Variants in ICA1 observed in about 807,000 individuals in gnomAD.
The protein encoded by ICA1 is 69 kDa islet cell autoantigen.
A neutral mutation model predicts 71.0 loss-of-function variants in ICA1; 40 were observed. That is an observed-to-expected ratio of 0.56 (90% confidence interval 0.44 to 0.73). The LOEUF (loss-of-function observed/expected upper bound fraction) is 0.73, where lower values mean the gene tolerates loss of function less well. Ranked by LOEUF, ICA1 falls within the 30% of genes least tolerant of loss-of-function variation. The probability of loss-of-function intolerance (pLI) is 0.00; values close to 1 mark genes in which losing one functional copy is unlikely to be tolerated. For missense variants in ICA1, 578 were observed against 576.5 expected, an observed-to-expected ratio of 1.00 and a Z score of -0.03; for synonymous variants, 207 against 209.5, an observed-to-expected ratio of 0.99 and a Z score of 0.10.
intron 1 of ICA1, among the ~76,000 whole-genome samples, chr7:8,238,238 C>T (rs529869906): frequency 1.3e-5 from 2 of 152,274 alleles, no homozygotes; most frequent in South Asian, 4.1e-4. Flanking sequence ...TCCACAGCAG[C>T]TGCACCATTT....
intron 1 of ICA1, among the ~76,000 whole-genome samples, chr7:8,255,916 G>C (rs529124668): frequency 1.4e-4 from 22 of 151,756 alleles, no homozygotes; most frequent in South Asian, 1.0e-3. Context: ...TGGGACTACA[G>C]GCACATACCA....
At chr7:8,117,078 T>C (rs1266657326) in intron 13 of ICA1, among the ~76,000 whole-genome samples, 4 of 152,156 alleles carry the variant, frequency 2.6e-5, no homozygotes, top group African/African-American at 7.2e-5. Flanking sequence ...CTGATGGTTT[T>C]ATAAGGAGCT....
chr7:8,170,274 G>C (rs1164637583), intron 6 of ICA1, among the ~76,000 whole-genome samples: 1 of 151,978 alleles, frequency 6.6e-6, no homozygotes, highest in Admixed American at 6.6e-5. Context: ...AAATCATGTA[G>C]TATAAATCTT....
intron 6 of ICA1, among the ~76,000 whole-genome samples, chr7:8,210,953 T>TG (rs56946655): frequency 0.62 from 93,535 of 151,454 alleles, 29,020 homozygotes; most frequent in South Asian, 0.76. Context: ...AATCCTGGGT[T>TG]GGCGGGACTC....
intron 13 of ICA1, among the ~76,000 whole-genome samples, chr7:8,120,557 C>A (rs893925418): frequency 6.6e-6 from 1 of 152,128 alleles, no homozygotes; most frequent in Non-Finnish European, 1.5e-5. Context: ...GCATTTTTAA[C>A]ATGAAGGTGT....
intron 8 of ICA1, among the ~76,000 whole-genome samples, chr7:8,147,810 T>C (rs10156131): frequency 0.85 from 128,486 of 151,942 alleles, 54,930 homozygotes; most frequent in East Asian, 1. Flanking sequence ...AAGTAGGTCC[T>C]TGAATAATGT....
chr7:8,246,334 G>A (rs1805999147), intron 1 of ICA1, among the ~76,000 whole-genome samples: 1 of 152,234 alleles, frequency 6.6e-6, no homozygotes, highest in African/African-American at 2.4e-5. Flanking sequence ...AGAGGCCCAA[G>A]GATGAATAGA....
intron 8 of ICA1, among the ~76,000 whole-genome samples, chr7:8,153,836 A>AAT (rs33924786): frequency 0.25 from 34,346 of 136,966 alleles, 4,612 homozygotes; most frequent in African/African-American, 0.33. Flanking sequence ...ACTCATGCAG[A>AAT]ATATATATAT....
intron 6 of ICA1, among the ~76,000 whole-genome samples, chr7:8,159,027 T>C (rs1428389882): frequency 6.6e-6 from 1 of 152,230 alleles, no homozygotes; most frequent in Non-Finnish European, 1.5e-5. Context: ...AGTTCCCTCA[T>C]ACCCTTCACT....
rs887545981 is a variant in ICA1 at position 8,149,108 on chromosome 7, C to T, written c.805-5136G>A. On this transcript the variant is annotated intron_variant, in intron 8 of 13. Coordinates refer to ENST00000402384, the MANE Select transcript of ICA1 (RefSeq NM_001136020.3). ...GAACACCTGCTCAGGCAAAATGAAT[C>T]TAAGAGGCCTCTCTGACTATGTATA... is the stretch of plus-strand genomic sequence containing the variant. Among the ~76,000 whole-genome samples the T allele has an allele frequency of 3.3e-5, 5 of 152,222 alleles. No homozygotes were observed. The East Asian group carries it at 7.7e-4, about 23-fold the overall frequency.
intron 1 of ICA1, among the ~76,000 whole-genome samples, chr7:8,258,265 C>G (rs1171306808): frequency 6.6e-6 from 1 of 152,200 alleles, no homozygotes; most frequent in South Asian, 2.1e-4. Flanking sequence ...GTGTTTAGCA[C>G]AGTGTGTAGC....
Position 8,232,693 on chromosome 7 carries a change from T to A in ICA1, c.80A>T (p.Gln27Leu), listed in dbSNP as rs772125493. The A allele has an allele frequency of 6.2e-7, 1 of 1,612,718 alleles. No homozygotes were observed. Among genetic ancestry groups the A allele is most frequent in the Non-Finnish European group, 8.5e-7 (1 of 1,179,328 alleles). The change falls in exon 3 of 14, where the codon CAA becomes CTA. Residue 27 changes from glutamine to leucine, a missense_variant. Coordinates refer to ENST00000402384, the MANE Select transcript of ICA1 (RefSeq NM_001136020.3). ...CTGCTTCGTCTCCCAATATTTCTGT[T>A]GCATCTTATTTACAACTGACTTATC... Reference protein sequence around the residue: ...AQDKSVVNKMQQKYWETKQAF... With the variant: ...AQDKSVVNKMLQKYWETKQAF...
In ICA1 at chr7:8,222,838, A is replaced by T. The variant is rs1797534432; in HGVS notation, c.257-1440T>A. Among the ~76,000 whole-genome samples the T allele has an allele frequency of 6.6e-6, 1 of 152,178 alleles. No homozygotes were observed. The highest frequency in any genetic ancestry group is 1.5e-5 in the Non-Finnish European group (1 of 68,022). On this transcript the variant is annotated intron_variant, in intron 4 of 13. Coordinates refer to ENST00000402384, the MANE Select transcript of ICA1 (RefSeq NM_001136020.3). The surrounding 1 kb of genome is among the most constrained non-coding windows in gnomAD (Gnocchi z 4.8). ...GCAGTGCTCTCTGGGCACCTGACTT[A>T]GCACTCACCTTGTGTGACTGGGCAT...
At chr7:8,248,242 G>A (rs530890804) in intron 1 of ICA1, among the ~76,000 whole-genome samples, 4 of 152,192 alleles carry the variant, frequency 2.6e-5, no homozygotes, top group East Asian at 1.9e-4. Context: ...GTCCAGAGTC[G>A]CTTTTTCTTG....
intron 6 of ICA1, among the ~76,000 whole-genome samples, chr7:8,170,540 C>A (rs763735037): frequency 4.0e-5 from 6 of 151,892 alleles, no homozygotes; most frequent in Non-Finnish European, 8.8e-5. Flanking sequence ...ACAGGTCTTG[C>A]ATATATTTTG....
At chr7:8,200,355 A>AAAAAAAAAAAC (rs1789178161) in intron 6 of ICA1, among the ~76,000 whole-genome samples, 1 of 151,066 alleles carries the variant, frequency 6.6e-6, no homozygotes, top group Non-Finnish European at 1.5e-5. Flanking sequence ...AAAAAAAAAA[A>AAAAAAAAAAAC]AAAAAGAACA....
At chr7:8,255,660 A>T (rs1472338673) in intron 1 of ICA1, among the ~76,000 whole-genome samples, 1 of 149,924 alleles carries the variant, frequency 6.7e-6, no homozygotes, top group Non-Finnish European at 1.5e-5. Flanking sequence ...AATTCAGCAC[A>T]TCTAAAACTA....
intron 5 of ICA1, among the ~76,000 whole-genome samples, chr7:8,219,318 T>G (rs1020103283): frequency 2.0e-5 from 3 of 152,258 alleles, no homozygotes; most frequent in Non-Finnish European, 1.5e-5. Flanking sequence ...CTCTTCTTCA[T>G]GAAGTTTCAG....
rs59897701 is a variant in ICA1 at position 8,132,551 on chromosome 7, C to T, written c.1061-4409G>A. Among the ~76,000 whole-genome samples the T allele has an allele frequency of 9.1e-3, 1,388 of 152,332 alleles. 52 individuals are homozygous for T. The South Asian group carries it at 0.11, about 12-fold the overall frequency. ...GATCCTCATTGCCAGTTCTGAGGCT[C>T]TTTTCCCAGGCCTTTACCTGTACAG... On this transcript the variant is annotated intron_variant, in intron 12 of 13. Coordinates refer to ENST00000402384, the MANE Select transcript of ICA1 (RefSeq NM_001136020.3). The surrounding 1 kb of genome is among the most constrained non-coding windows in gnomAD (Gnocchi z 4.5).
Sources: gnomAD v4.1 joint callset for allele counts (sites outside exome capture counted in the v4.1 genomes callset) on GRCh38, gnomAD v4.1.1 for gene constraint, Gnocchi (gnomAD v3.1) non-coding constraint, MANE v1.5 for transcripts, NCBI Gene and HGNC (gene_info 2026-07-23, HGNC 2026-07-21) for gene names.